ZNF536: variants seen among roughly 807,000 people sequenced by gnomAD.
ZNF536 encodes zinc finger protein 536.
Under a neutral mutation model 84.5 loss-of-function variants are expected in ZNF536, and 13 were observed. The ratio of observed to expected loss-of-function variants is 0.15; its 90% CI spans 0.10 to 0.24. ZNF536 has a LOEUF of 0.24. ZNF536 is among the 10% of genes least tolerant of loss of function. The probability of loss-of-function intolerance (pLI) is 1.00; values close to 1 mark genes in which losing one functional copy is unlikely to be tolerated. For synonymous variants in ZNF536, 811 were observed against 742.5 expected (o/e 1.09, Z -1.50); for missense variants, 1,536 against 1,747.5 (o/e 0.88, Z 2.16).
intron 2 of ZNF536, among the ~76,000 whole-genome samples, chr19:30,295,844 C>A (rs1488974893): frequency 6.6e-6 from 1 of 152,214 alleles, no homozygotes. Context: ...CAGGCAGGAT[C>A]CTTGGTCCCT....
chr19:30,311,242 T>G (rs2046493909), intron 2 of ZNF536, among the ~76,000 whole-genome samples: 1 of 152,110 alleles, frequency 6.6e-6, no homozygotes, highest in South Asian at 2.1e-4. Context: ...GTCCCTGAGC[T>G]CCTGACCATG....
intron 1 of ZNF536, among the ~76,000 whole-genome samples, chr19:30,381,657 C>T (rs1183848975): frequency 6.6e-6 from 1 of 152,178 alleles, no homozygotes; most frequent in East Asian, 1.9e-4. Flanking sequence ...GCCTTTGCAC[C>T]ATTGCAGGCT....
intron 2 of ZNF536, among the ~76,000 whole-genome samples, chr19:30,329,576 A>G (rs2047143382): frequency 6.6e-6 from 1 of 152,262 alleles, no homozygotes; most frequent in Non-Finnish European, 1.5e-5. Flanking sequence ...TTAAGAGAAC[A>G]TCTAAATTAT....
At chr19:30,639,902 C>G (rs1427634080) in intron 1 of ZNF536, among the ~76,000 whole-genome samples, 1 of 152,166 alleles carries the variant, frequency 6.6e-6, no homozygotes, top group Non-Finnish European at 1.5e-5. Context: ...CTTGACCTGT[C>G]AAGTCTTGGC....
At chr19:30,566,517 G>A (rs2146492042) in intron 1 of ZNF536, among the ~76,000 whole-genome samples, 1 of 152,360 alleles carries the variant, frequency 6.6e-6, no homozygotes, top group African/African-American at 2.4e-5. Context: ...CTCATTTTAA[G>A]TATGGGGAAA....
At chr19:30,255,828 G>T (rs2024888553) in intron 1 of ZNF536, among the ~76,000 whole-genome samples, 1 of 152,180 alleles carries the variant, frequency 6.6e-6, no homozygotes, top group Admixed American at 6.5e-5. Flanking sequence ...GAATATGTGC[G>T]CTTGGTTTAA....
chr19:30,676,803 G>C (rs1374962937), intron 1 of ZNF536, among the ~76,000 whole-genome samples: 1 of 152,154 alleles, frequency 6.6e-6, no homozygotes, highest in Non-Finnish European at 1.5e-5. Flanking sequence ...TTCTTGCAGG[G>C]AAGCCCTTTG....
At chr19:30,561,289 G>A (rs911884097), downstream of ZNF536, among the ~76,000 whole-genome samples, 6 of 152,318 alleles carry the variant, frequency 3.9e-5, no homozygotes, top group Admixed American at 6.5e-5. Flanking sequence ...GGTTGACCAC[G>A]AGGACAGGCC....
chr19:30,462,454 G>A (rs557502643), intron 2 of ZNF536, among the ~76,000 whole-genome samples: 3 of 152,046 alleles, frequency 2.0e-5, no homozygotes, highest in Non-Finnish European at 4.4e-5. Context: ...AGCTGCGGGT[G>A]CATGTATCCC....
chr19:30,576,362 C>T (rs1454130662), intron 1 of ZNF536, among the ~76,000 whole-genome samples: 3 of 152,190 alleles, frequency 2.0e-5, no homozygotes, highest in Non-Finnish European at 2.9e-5. Context: ...CTTCCCCCAT[C>T]GTTCCTCCAT....
chr19:30,321,031 C>T (rs1277047160), intron 2 of ZNF536, among the ~76,000 whole-genome samples: 5 of 152,208 alleles, frequency 3.3e-5, no homozygotes, highest in African/African-American at 7.2e-5. Context: ...ATGCATCTCA[C>T]CATCTCCGTC....
At chr19:30,366,654 C>T (rs2048447324) in intron 3 of ZNF536, among the ~76,000 whole-genome samples, 1 of 151,596 alleles carries the variant, frequency 6.6e-6, no homozygotes, top group Non-Finnish European at 1.5e-5. Context: ...CCCTATTTTC[C>T]CTTTCCACTC....
intron 2 of ZNF536, among the ~76,000 whole-genome samples, chr19:30,530,968 T>C (rs923359177): frequency 6.6e-6 from 1 of 152,116 alleles, no homozygotes; most frequent in African/African-American, 2.4e-5. Context: ...GCCCTGCGGG[T>C]GTCCTGCCAG....
chr19:30,356,073 G>C (rs145436669), intron 3 of ZNF536, among the ~76,000 whole-genome samples: 5 of 152,188 alleles, frequency 3.3e-5, no homozygotes, highest in Non-Finnish European at 5.9e-5. Flanking sequence ...TGAGGCAACC[G>C]TTGGTAACTA....
intron 2 of ZNF536, among the ~76,000 whole-genome samples, chr19:30,517,430 C>T (rs888888419): frequency 4.6e-5 from 7 of 152,028 alleles, no homozygotes; most frequent in African/African-American, 1.7e-4. Flanking sequence ...GGAAGGGGCC[C>T]GGTGGGGAGG....
Position 30,317,590 on chromosome 19 carries a change from C to G in ZNF536, c.-120+33449C>G, listed in dbSNP as rs1016427584. On this transcript the variant is annotated intron_variant, in intron 2 of 5. Transcript: ENST00000585628. ...AGGCCATGTGCGTTTGAACCCAGCC[C>G]TCACGGAGGTTGCTGGCAATGTGTC... 3.3e-5 allele frequency among the ~76,000 whole-genome samples: 5 copies of G among 152,330 alleles called. No individual in the cohort carries two copies. In the East Asian group the frequency reaches 7.7e-4, roughly 24 times the overall value.
intron 1 of ZNF536, among the ~76,000 whole-genome samples, chr19:30,583,976 G>T (rs1430044027): frequency 6.6e-6 from 1 of 152,128 alleles, no homozygotes; most frequent in Non-Finnish European, 1.5e-5. Context: ...CTGCCCATTG[G>T]CTCAGGGTGG....
chr19:30,468,376 G>T (rs571435639), intron 2 of ZNF536, among the ~76,000 whole-genome samples: 1 of 152,170 alleles, frequency 6.6e-6, no homozygotes, highest in Non-Finnish European at 1.5e-5. Context: ...CAGCTCGAAC[G>T]CCAAGCTTCG....
intron 1 of ZNF536, among the ~76,000 whole-genome samples, chr19:30,391,319 G>C (rs1185176710): frequency 6.6e-6 from 1 of 152,226 alleles, no homozygotes; most frequent in African/African-American, 2.4e-5. Context: ...GTGCACACCT[G>C]TAATCCCAGC....
Sources: gnomAD v4.1 joint callset for allele counts (sites outside exome capture counted in the v4.1 genomes callset) on GRCh38, gnomAD v4.1.1 for gene constraint, MANE v1.5 for transcripts, NCBI Gene and HGNC (gene_info 2026-07-23, HGNC 2026-07-21) for gene names.